Variants in SEMA3A observed in about 807,000 individuals in gnomAD.
SEMA3A encodes the protein semaphorin-3A.
In SEMA3A, 29 loss-of-function variants were observed where a neutral mutation model predicts 97.9. The observed-to-expected ratio is 0.30, with a 90% CI of 0.22 to 0.40. SEMA3A has a LOEUF of 0.40. SEMA3A is among the 10% of genes least tolerant of loss of function. The pLI, the probability that SEMA3A is intolerant of heterozygous loss-of-function variation, is 1.00. For synonymous variants in SEMA3A, 321 were observed against 323.7 expected (o/e 0.99, Z 0.09); for missense variants, 763 against 951.3 (o/e 0.80, Z 2.60).
At chr7:84,070,604 C>G (rs1265430383) in intron 4 of SEMA3A, among the ~76,000 whole-genome samples, 1 of 151,972 alleles carries the variant, frequency 6.6e-6, no homozygotes, top group Non-Finnish European at 1.5e-5. Flanking sequence ...TATGTGAAAA[C>G]TAATAGTTGG....
At chr7:84,022,543 G>C (rs558703844) in intron 6 of SEMA3A, among the ~76,000 whole-genome samples, 1 of 152,088 alleles carries the variant, frequency 6.6e-6, no homozygotes, top group Non-Finnish European at 1.5e-5. Flanking sequence ...ATCTTTCCAC[G>C]TGAAAATGTT....
At chr7:84,155,168 C>A (rs990742537) in intron 1 of SEMA3A, among the ~76,000 whole-genome samples, 8 of 152,144 alleles carry the variant, frequency 5.3e-5, no homozygotes, top group African/African-American at 1.7e-4. Flanking sequence ...ATACTTCCAA[C>A]TCAAGACCTA....
At chr7:84,237,269 C>A (rs969461709) in intron 3 of SEMA3A, among the ~76,000 whole-genome samples, 3 of 152,212 alleles carry the variant, frequency 2.0e-5, no homozygotes, top group Non-Finnish European at 2.9e-5. Context: ...CAACCACAGT[C>A]TAACTTATCA....
chr7:84,112,410 T>G lies in SEMA3A; in HGVS notation c.334-1821A>C, dbSNP rs557770819. 2.0e-5 allele frequency among the ~76,000 whole-genome samples: 3 copies of G among 152,332 alleles called. No individual in the cohort carries two copies. In the East Asian group the frequency reaches 5.8e-4, roughly 29 times the overall value. ...GAACAAGATTTCAGTCTGCATGCCATGCCTTTAAAGATATGCATGCAATTT... is the reference window on the plus strand; with the variant it reads ...GAACAAGATTTCAGTCTGCATGCCAGGCCTTTAAAGATATGCATGCAATTT... On this transcript the variant is annotated intron_variant, in intron 3 of 16. Transcript: ENST00000265362.
At chr7:84,039,901 T>C (rs1264755437) in intron 6 of SEMA3A, among the ~76,000 whole-genome samples, 1 of 152,092 alleles carries the variant, frequency 6.6e-6, no homozygotes, top group African/African-American at 2.4e-5. Flanking sequence ...TAAAAATAAA[T>C]ATGAGAAAAT....
chr7:84,006,093 T>C (rs1026363987), intron 10 of SEMA3A, among the ~76,000 whole-genome samples: 1 of 152,122 alleles, frequency 6.6e-6, no homozygotes, highest in African/African-American at 2.4e-5. Flanking sequence ...CTGGAGAAGT[T>C]TGGTGCCTCT....
At chr7:84,450,241 T>C (rs1439424476) in intron 1 of SEMA3A, among the ~76,000 whole-genome samples, 5 of 152,158 alleles carry the variant, frequency 3.3e-5, no homozygotes, top group Non-Finnish European at 7.3e-5. Flanking sequence ...CACTTCTCTC[T>C]TTCTCTCTCT....
Position 84,072,701 on chromosome 7 carries a change from T to C in SEMA3A, c.454-12143A>G, listed in dbSNP as rs541519485. ...GAGGTGAAAGATCTAGTTGTGAATC[T>C]CAAGGAGTATACCACGAAGTACAAC... On this transcript the variant is annotated intron_variant, in intron 4 of 16. Transcript: ENST00000265362. Among the ~76,000 whole-genome samples the C allele has an allele frequency of 1.4e-4, 22 of 152,256 alleles. 1 individual carries two copies. The South Asian group carries it at 4.3e-3, about 30-fold the overall frequency.
intron 4 of SEMA3A, among the ~76,000 whole-genome samples, chr7:84,060,761 G>T (rs773417465): frequency 2.0e-5 from 3 of 152,292 alleles, no homozygotes; most frequent in Non-Finnish European, 4.4e-5. Context: ...TTAGCTTAAT[G>T]ATATTTAGTA....
chr7:84,049,922 A>T (rs1276262482), intron 5 of SEMA3A, among the ~76,000 whole-genome samples: 3 of 135,532 alleles, frequency 2.2e-5, no homozygotes, highest in Non-Finnish European at 4.6e-5. Context: ...TGTCCATGTG[A>T]TCTCATTGTT....
intron 6 of SEMA3A, among the ~76,000 whole-genome samples, chr7:84,023,639 T>C (rs553380420): frequency 6.6e-6 from 1 of 152,208 alleles, no homozygotes; most frequent in African/African-American, 2.4e-5. Flanking sequence ...ATAACCCCAC[T>C]GCAGAAAAAT....
chr7:84,296,093 G>C (rs1800863907), intron 3 of SEMA3A, among the ~76,000 whole-genome samples: 1 of 152,070 alleles, frequency 6.6e-6, no homozygotes, highest in South Asian at 2.1e-4. Context: ...CCTGACTTAA[G>C]AGAAAAATGT....
chr7:84,046,718 T>G (rs1430766857), intron 5 of SEMA3A, among the ~76,000 whole-genome samples: 2 of 152,082 alleles, frequency 1.3e-5, no homozygotes, highest in East Asian at 3.9e-4. Flanking sequence ...ATTCAGTGAA[T>G]CTTGCTAAAA....
chr7:84,252,677 T>G (rs1799635109), intron 3 of SEMA3A, among the ~76,000 whole-genome samples: 1 of 152,220 alleles, frequency 6.6e-6, no homozygotes, highest in Admixed American at 6.6e-5. Context: ...AAGCTTCCGC[T>G]ATATAGTGAA....
intron 1 of SEMA3A, among the ~76,000 whole-genome samples, chr7:84,449,158 CT>C (rs1562951769): frequency 6.6e-6 from 1 of 152,048 alleles, no homozygotes; most frequent in Non-Finnish European, 1.5e-5. Flanking sequence ...GATTCATGGT[CT>C]AAAGGTAAGA....
chr7:84,407,944 G>C (rs1364349985), intron 1 of SEMA3A, among the ~76,000 whole-genome samples: 2 of 152,140 alleles, frequency 1.3e-5, no homozygotes, highest in Non-Finnish European at 2.9e-5. Context: ...AAAAACCCTA[G>C]AAGAAAACCT....
intron 3 of SEMA3A, among the ~76,000 whole-genome samples, chr7:84,235,985 C>T (rs942008389): frequency 6.6e-6 from 1 of 152,088 alleles, no homozygotes; most frequent in African/African-American, 2.4e-5. Flanking sequence ...AAGTATCAAC[C>T]TCACTGGATG....
chr7:84,354,124 A>C (rs1802500042), intron 2 of SEMA3A, among the ~76,000 whole-genome samples: 1 of 151,666 alleles, frequency 6.6e-6, no homozygotes, highest in South Asian at 2.1e-4. Flanking sequence ...TAAAGCAAAA[A>C]ATATAATGAC....
intron 6 of SEMA3A, among the ~76,000 whole-genome samples, chr7:84,045,719 G>A (rs1395301953): frequency 1.3e-5 from 2 of 151,806 alleles, no homozygotes; most frequent in African/African-American, 4.8e-5. Flanking sequence ...GCCAGTGCCT[G>A]AAGTTCAGAA....
Sources: allele counts gnomAD v4.1 joint callset (sites outside exome capture counted in the v4.1 genomes callset), GRCh38; gene constraint gnomAD v4.1.1; transcripts MANE v1.5; gene names NCBI Gene and HGNC (gene_info 2026-07-23, HGNC 2026-07-21).